ZAP70: variants seen among roughly 807,000 people sequenced by gnomAD.
ZAP70 encodes zeta chain of T cell receptor associated protein kinase 70.
In ZAP70, 27 loss-of-function variants were observed where a neutral mutation model predicts 65.8. The observed-to-expected ratio is 0.41, with a 90% CI of 0.30 to 0.57. The LOEUF is 0.57. Ranked by LOEUF, ZAP70 falls within the 20% of genes least tolerant of loss-of-function variation. ZAP70 has a pLI of 0.28. For synonymous variants in ZAP70, 363 were observed against 360.8 expected, an observed-to-expected ratio of 1.01 and a Z score of -0.07; for missense variants, 696 against 870.5, an observed-to-expected ratio of 0.80 and a Z score of 2.52.
At chr2:97,735,730 A>G (rs578038085) in intron 10 of ZAP70, among the ~76,000 whole-genome samples, 5 of 152,340 alleles carry the variant, frequency 3.3e-5, no homozygotes, top group Non-Finnish European at 7.4e-5. Context: ...GGGCACTGCT[A>G]GGGCCGGGTG....
the ZAP70 span, among the ~76,000 whole-genome samples, chr2:97,754,285 G>C: frequency 1.3e-5 from 2 of 152,126 alleles, no homozygotes; most frequent in African/African-American, 2.4e-5. Flanking sequence ...GGTGAAATTA[G>C]AACTTAAAAA....
the ZAP70 span, among the ~76,000 whole-genome samples, chr2:97,754,847 T>C: frequency 1.3e-4 from 20 of 152,260 alleles, no homozygotes; most frequent in Non-Finnish European, 2.6e-4. Context: ...GAAACCCTGC[T>C]GCTAACATTG....
At chr2:97,741,495 A>G (rs1466214062), downstream of ZAP70, among the ~76,000 whole-genome samples, 2 of 151,614 alleles carry the variant, frequency 1.3e-5, no homozygotes, top group African/African-American at 4.9e-5. Flanking sequence ...CCGCTAGGAA[A>G]GCTCCCCGTC....
At chr2:97,714,395 T>C (rs35958372) in intron 2 of ZAP70, among the ~76,000 whole-genome samples, 21,780 of 152,252 alleles carry the variant, frequency 0.14, 2,075 homozygotes, top group Middle Eastern at 0.3. Context: ...CTGTGATTCC[T>C]GTGAGGAGTC....
chr2:97,732,281 T>A (rs1410118177), intron 4 of ZAP70, among the ~76,000 whole-genome samples: 1 of 152,176 alleles, frequency 6.6e-6, no homozygotes, highest in Non-Finnish European at 1.5e-5. Context: ...AGTGACTTGT[T>A]TTGATTTGCA....
chr2:97,727,829 C>T (rs934036204), intron 4 of ZAP70, among the ~76,000 whole-genome samples: 2 of 152,126 alleles, frequency 1.3e-5, no homozygotes, highest in African/African-American at 4.8e-5. Flanking sequence ...CCCTCCCCAC[C>T]CCCATCTCTC....
chr2:97,720,316 C>A (rs1476977132), intron 2 of ZAP70, among the ~76,000 whole-genome samples: 2 of 152,032 alleles, frequency 1.3e-5, no homozygotes, highest in African/African-American at 4.8e-5. Context: ...CAACTTCCAC[C>A]TCCTGGGTTC....
At chr2:97,717,251 G>GT (rs1676957034) in intron 2 of ZAP70, among the ~76,000 whole-genome samples, 1 of 151,044 alleles carries the variant, frequency 6.6e-6, no homozygotes, top group Non-Finnish European at 1.5e-5. Flanking sequence ...GAACAGGGTG[G>GT]TGGGGGGGCA....
At chr2:97,727,725 TTC>T (rs1352517357) in intron 4 of ZAP70, among the ~76,000 whole-genome samples, 1 of 152,192 alleles carries the variant, frequency 6.6e-6, no homozygotes, top group African/African-American at 2.4e-5. Context: ...TCTGAGTTTC[TTC>T]TCTGTTTTCC....
intron 4 of ZAP70, among the ~76,000 whole-genome samples, chr2:97,729,827 C>T (rs1677531446): frequency 6.6e-6 from 1 of 151,852 alleles, no homozygotes; most frequent in African/African-American, 2.4e-5. Context: ...GAATTTGCAG[C>T]TGCTCTTTAT....
the ZAP70 span, among the ~76,000 whole-genome samples, chr2:97,755,059 T>C: frequency 6.6e-6 from 1 of 152,236 alleles, no homozygotes; most frequent in Non-Finnish European, 1.5e-5. Flanking sequence ...ATAGTTTTGA[T>C]TTCATGATGT....
the ZAP70 span, among the ~76,000 whole-genome samples, chr2:97,752,827 G>A: frequency 6.6e-6 from 1 of 152,136 alleles, no homozygotes; most frequent in Non-Finnish European, 1.5e-5. Context: ...GGGAGCAAAT[G>A]TTTTAGTCAT....
chr2:97,738,681 T>G (rs759689869), intron 13 of ZAP70: 10 of 183,154 alleles, frequency 5.5e-5, no homozygotes, highest in Non-Finnish European at 9.3e-5. Context: ...ATGCAATGTG[T>G]GGACACTGTA....
intron 2 of ZAP70, among the ~76,000 whole-genome samples, chr2:97,719,614 A>G (rs1677085501): frequency 6.6e-6 from 1 of 151,782 alleles, no homozygotes; most frequent in Admixed American, 6.6e-5. Flanking sequence ...TAGGGACAGG[A>G]GTGTAGACAG....
At chr2:97,729,332 G>C (rs1035830744) in intron 4 of ZAP70, among the ~76,000 whole-genome samples, 15 of 152,218 alleles carry the variant, frequency 9.9e-5, no homozygotes, top group African/African-American at 3.6e-4. Context: ...CTGGGTGTTA[G>C]TCCTAGGTAG....
intron 2 of ZAP70, among the ~76,000 whole-genome samples, chr2:97,714,607 A>G (rs967605442): frequency 9.9e-5 from 15 of 152,168 alleles, no homozygotes; most frequent in Non-Finnish European, 1.9e-4. Flanking sequence ...TGTTGGCGAG[A>G]GGCTGGGAAA....
chr2:97,744,366 A>G (rs777893423), downstream of ZAP70, among the ~76,000 whole-genome samples: 5 of 152,234 alleles, frequency 3.3e-5, no homozygotes, highest in Non-Finnish European at 7.3e-5. Flanking sequence ...TTAGCTCGGT[A>G]TAATATGACA....
At position 97,732,920 on chromosome 2, in the gene ZAP70, T is replaced by A; in HGVS notation, c.601T>A (p.Ser201Thr). 1 of 1,614,028 alleles carries A rather than the reference T, an allele frequency of 6.2e-7. No individual in the cohort carries two copies. Among genetic ancestry groups the A allele is most frequent in the Non-Finnish European group, 8.5e-7 (1 of 1,180,026 alleles). ...PRKEQGTYALSLIYGKTVYHY... is the reference protein window; with the variant it reads ...PRKEQGTYALTLIYGKTVYHY... ...GAAGGAGCAGGGCACATACGCCCTGTCCCTCATCTATGGGAAGACGGTGTA... is the reference window on the plus strand; with the variant it reads ...GAAGGAGCAGGGCACATACGCCCTGACCCTCATCTATGGGAAGACGGTGTA... Residue 201 changes from serine to threonine, a missense_variant, in exon 5 of 14, where the codon TCC (serine) becomes ACC (threonine). Physicochemically the swap from Ser to Thr is moderately conservative, Grantham distance 58. Coordinates refer to ENST00000264972, the MANE Select transcript of ZAP70 (RefSeq NM_001079.4).
chr2:97,733,546 T>C lies in ZAP70; in HGVS notation c.840T>C (p.Pro280=). The C allele has an allele frequency of 6.2e-7, 1 of 1,613,596 alleles. No individual in the cohort carries two copies. The highest frequency in any genetic ancestry group is 8.5e-7 in the Non-Finnish European group (1 of 1,179,952). The change falls in exon 8 of 14, where the codon CCT becomes CCC. Residue 280 remains proline, a splice_region_variant and synonymous_variant. Coordinates refer to ENST00000264972, the MANE Select transcript of ZAP70 (RefSeq NM_001079.4). ...CTTGCTGACCCTGTGGCCTTTAGCC[T>C]CAGAGACGAATCGACACCCTCAACT... ...LPAHPSTLTH[P]QRRIDTLNSD...
Sources: allele counts gnomAD v4.1 joint callset (sites outside exome capture counted in the v4.1 genomes callset), GRCh38; gene constraint gnomAD v4.1.1; transcripts MANE v1.5; gene names NCBI Gene and HGNC (gene_info 2026-07-23, HGNC 2026-07-21).